The following IMMP2L variants were observed in gnomAD, a reference collection of about 807,000 sequenced individuals.
IMMP2L encodes inner mitochondrial membrane peptidase subunit 2, also known as mitochondrial inner membrane protease subunit 2.
A neutral mutation model predicts 19.3 loss-of-function variants in IMMP2L; 18 were observed. The observed-to-expected ratio is 0.93, with a 90% CI of 0.64 to 1.38. The LOEUF is 1.38. Ranked by LOEUF, IMMP2L falls within the 40% of genes most tolerant of loss-of-function variation. The pLI is 0.00. For missense variants in IMMP2L, 233 were observed against 218.2 expected (o/e 1.07, Z -0.43); for synonymous variants, 76 against 73.0 (o/e 1.04, Z -0.21).
chr7:110,676,487 C>G (rs1038402577), intron 5 of IMMP2L, among the ~76,000 whole-genome samples: 5 of 152,194 alleles, frequency 3.3e-5, no homozygotes, highest in Non-Finnish European at 7.3e-5. Context: ...CTCACCTTTT[C>G]TATATTATAA....
intron 3 of IMMP2L, among the ~76,000 whole-genome samples, chr7:111,298,686 G>A (rs1468257900): frequency 6.6e-6 from 1 of 150,730 alleles, no homozygotes; most frequent in Non-Finnish European, 1.5e-5. Flanking sequence ...AACCAGGGAG[G>A]CATAGGTTAC....
chr7:111,240,814 T>C (rs1246479242), intron 3 of IMMP2L, among the ~76,000 whole-genome samples: 1 of 151,886 alleles, frequency 6.6e-6, no homozygotes, highest in East Asian at 1.9e-4. Context: ...TTAAACATTT[T>C]CATTTTCATT....
chr7:111,399,076 G>A (rs1024126797), intron 3 of IMMP2L, among the ~76,000 whole-genome samples: 3 of 151,940 alleles, frequency 2.0e-5, no homozygotes, highest in Non-Finnish European at 1.5e-5. Context: ...CAAATTCAAA[G>A]CAATCTCCAC....
intron 3 of IMMP2L, among the ~76,000 whole-genome samples, chr7:111,028,902 T>A (rs1827127593): frequency 1.3e-5 from 2 of 152,186 alleles, no homozygotes; most frequent in Non-Finnish European, 2.9e-5. Flanking sequence ...TAAGATTTTC[T>A]TCAAATGTCA....
chr7:111,193,792 G>A (rs1167363900), intron 3 of IMMP2L, among the ~76,000 whole-genome samples: 1 of 152,044 alleles, frequency 6.6e-6, no homozygotes, highest in Non-Finnish European at 1.5e-5. Flanking sequence ...AGTATTTTTA[G>A]CGATATAATT....
At chr7:110,837,875 C>A (rs964814468) in intron 5 of IMMP2L, among the ~76,000 whole-genome samples, 3 of 152,098 alleles carry the variant, frequency 2.0e-5, no homozygotes, top group Non-Finnish European at 2.9e-5. Flanking sequence ...GAAGGCCTGG[C>A]AATTGAGCCT....
intron 3 of IMMP2L, among the ~76,000 whole-genome samples, chr7:110,993,513 C>T (rs1563141892): frequency 6.6e-6 from 1 of 151,862 alleles, no homozygotes; most frequent in Non-Finnish European, 1.5e-5. Flanking sequence ...TGCTATCCCT[C>T]AATAAACAGA....
chr7:110,768,716 C>A (rs1202744352), intron 5 of IMMP2L, among the ~76,000 whole-genome samples: 1 of 152,168 alleles, frequency 6.6e-6, no homozygotes, highest in Non-Finnish European at 1.5e-5. Context: ...ATTCTCCAAG[C>A]TGAAATAGAC....
chr7:111,120,316 T>C (rs1449293558), intron 3 of IMMP2L, among the ~76,000 whole-genome samples: 1 of 152,072 alleles, frequency 6.6e-6, no homozygotes, highest in African/African-American at 2.4e-5. Context: ...GGCCTCACAA[T>C]CATGGCAGAT....
intron 3 of IMMP2L, among the ~76,000 whole-genome samples, chr7:111,418,043 T>C (rs1004514790): frequency 1.1e-4 from 16 of 151,968 alleles, no homozygotes; most frequent in African/African-American, 3.4e-4. Context: ...TATAAAGTCA[T>C]TGTCATCTGA....
At chr7:111,154,985 T>C (rs899344600) in intron 3 of IMMP2L, among the ~76,000 whole-genome samples, 1 of 152,022 alleles carries the variant, frequency 6.6e-6, no homozygotes, top group Non-Finnish European at 1.5e-5. Context: ...CTCGAACTCC[T>C]GGACTCATGT....
intron 5 of IMMP2L, among the ~76,000 whole-genome samples, chr7:110,816,821 A>T (rs1453702924): frequency 6.6e-6 from 1 of 151,832 alleles, no homozygotes; most frequent in Non-Finnish European, 1.5e-5. Flanking sequence ...TTTGCTTGGT[A>T]GATCTTCCTC....
At chr7:111,278,043 C>T (rs970868553) in intron 3 of IMMP2L, among the ~76,000 whole-genome samples, 3 of 151,852 alleles carry the variant, frequency 2.0e-5, no homozygotes, top group Non-Finnish European at 2.9e-5. Flanking sequence ...ACATATGGAC[C>T]GTGGAGTAAA....
intron 2 of IMMP2L, among the ~76,000 whole-genome samples, chr7:111,511,280 C>G (rs772725087): frequency 4.6e-5 from 7 of 152,066 alleles, no homozygotes; most frequent in Non-Finnish European, 8.8e-5. Context: ...CCTGGACTTT[C>G]TTTTTGCTTC....
chr7:110,917,561 A>T (rs1813748100), intron 4 of IMMP2L, among the ~76,000 whole-genome samples: 1 of 152,190 alleles, frequency 6.6e-6, no homozygotes, highest in African/African-American at 2.4e-5. Flanking sequence ...AATGCCAAGT[A>T]GATCTGACTC....
intron 3 of IMMP2L, among the ~76,000 whole-genome samples, chr7:110,994,258 G>T: frequency 6.6e-6 from 1 of 151,918 alleles, no homozygotes; most frequent in South Asian, 2.1e-4. Context: ...CAAGCCATAA[G>T]AACTTGGCCT....
intron 3 of IMMP2L, among the ~76,000 whole-genome samples, chr7:111,169,637 C>A (rs1011643667): frequency 6.6e-6 from 1 of 151,846 alleles, no homozygotes; most frequent in African/African-American, 2.4e-5. Context: ...GACTCTCTCT[C>A]TGTGTCCAGA....
intron 5 of IMMP2L, among the ~76,000 whole-genome samples, chr7:110,790,375 T>G (rs1432813501): frequency 1.3e-5 from 2 of 151,712 alleles, no homozygotes; most frequent in East Asian, 1.9e-4. Flanking sequence ...AGTGGCATTT[T>G]TAAAAGATTA....
At chr7:110,840,849 C>T (rs1201365213) in intron 5 of IMMP2L, among the ~76,000 whole-genome samples, 1 of 151,862 alleles carries the variant, frequency 6.6e-6, no homozygotes, top group African/African-American at 2.4e-5. Context: ...CTCTCAAGTA[C>T]AAAAATGTTA....
Sources: allele counts gnomAD v4.1 joint callset (sites outside exome capture counted in the v4.1 genomes callset), GRCh38; gene constraint gnomAD v4.1.1; transcripts MANE v1.5; gene names NCBI Gene and HGNC (gene_info 2026-07-23, HGNC 2026-07-21).